FHIT: variants seen among roughly 807,000 people sequenced by gnomAD.
FHIT encodes fragile histidine triad diadenosine triphosphatase, also known as bis(5'-adenosyl)-triphosphatase.
A neutral mutation model predicts 17.9 loss-of-function variants in FHIT; 19 were observed. The observed-to-expected ratio is 1.06, with a 90% confidence interval of 0.74 to 1.56. The LOEUF is 1.56. Ranked by LOEUF, FHIT falls within the 40% of genes most tolerant of loss-of-function variation. FHIT has a pLI of 0.00. For synonymous variants in FHIT, 81 were observed against 69.7 expected, an observed-to-expected ratio of 1.16 and a Z score of -0.81; for missense variants, 248 against 189.2, an observed-to-expected ratio of 1.31 and a Z score of -1.82.
chr3:59,756,529 G>A (rs1434535103), intron 8 of FHIT, among the ~76,000 whole-genome samples: 1 of 152,160 alleles, frequency 6.6e-6, no homozygotes, highest in East Asian at 1.9e-4. Context: ...GGATAAGGAT[G>A]TCTCATACAG....
At chr3:59,757,624 C>A (rs183246112) in intron 8 of FHIT, among the ~76,000 whole-genome samples, 76 of 152,256 alleles carry the variant, frequency 5.0e-4, no homozygotes, top group Non-Finnish European at 8.7e-4. Context: ...GAGTAAAATG[C>A]CAAATTGTCT....
chr3:60,133,436 A>C (rs1699682347), intron 5 of FHIT, among the ~76,000 whole-genome samples: 1 of 152,178 alleles, frequency 6.6e-6, no homozygotes, highest in South Asian at 2.1e-4. Context: ...TGGGGCAAGC[A>C]CAGATGTCCT....
At chr3:60,630,227 G>A (rs2039402966) in intron 4 of FHIT, among the ~76,000 whole-genome samples, 1 of 152,286 alleles carries the variant, frequency 6.6e-6, no homozygotes, top group Admixed American at 6.5e-5. Context: ...ATCATTAACT[G>A]ATGTGACACA....
At chr3:60,706,394 T>C (rs1210788848) in intron 4 of FHIT, among the ~76,000 whole-genome samples, 1 of 152,062 alleles carries the variant, frequency 6.6e-6, no homozygotes, top group Middle Eastern at 3.2e-3. Context: ...ACCCAGAACT[T>C]TAAGTAAAAA....
In FHIT at chr3:60,599,199, C is replaced by T. The variant is rs550356455; in HGVS notation, c.-17-62220G>A. ...AGCTCATATACTCTGTAATAACTTGCATTGTCTATAATTTTATTGTGTTAG... is the reference window on the plus strand; with the variant it reads ...AGCTCATATACTCTGTAATAACTTGTATTGTCTATAATTTTATTGTGTTAG... On this transcript the variant is annotated intron_variant, in intron 4 of 9. Transcript: ENST00000492590. Among the ~76,000 whole-genome samples the T allele has an allele frequency of 5.9e-5, 9 of 152,192 alleles. 1 individual carries two copies. In the South Asian group the frequency reaches 1.7e-3, roughly 28 times the overall value.
At chr3:60,427,850 T>A (rs1030087115) in intron 5 of FHIT, among the ~76,000 whole-genome samples, 1 of 152,136 alleles carries the variant, frequency 6.6e-6, no homozygotes. Context: ...TTGCCCCATC[T>A]ACCTCTTGCT....
chr3:60,191,903 G>C (rs1328778458), intron 5 of FHIT, among the ~76,000 whole-genome samples: 1 of 152,008 alleles, frequency 6.6e-6, no homozygotes. Context: ...GAAAAGTTCA[G>C]ATAATACAAA....
intron 4 of FHIT, among the ~76,000 whole-genome samples, chr3:60,739,262 C>G (rs1452569256): frequency 6.6e-6 from 1 of 152,186 alleles, no homozygotes; most frequent in East Asian, 1.9e-4. Flanking sequence ...TCACACTGGC[C>G]CTCTGCCCTT....
rs570008100 is a variant in FHIT, at chr3:59,969,619, A to G, written c.279+41752T>C. On this transcript the variant is annotated intron_variant, in intron 7 of 9. Transcript: ENST00000492590. ...ACTGTGTTTTGTATAATTTGGGGCCATTACCAGCTACTTTATGCTTCATTT... is the reference window on the plus strand; with the variant it reads ...ACTGTGTTTTGTATAATTTGGGGCCGTTACCAGCTACTTTATGCTTCATTT... Among the ~76,000 whole-genome samples the G allele has an allele frequency of 2.0e-5, 3 of 152,196 alleles. No individual in the cohort carries two copies. In the East Asian group the frequency reaches 5.8e-4, roughly 29 times the overall value.
chr3:60,420,794 G>GCAAACAC (rs1333446451), intron 5 of FHIT, among the ~76,000 whole-genome samples: 19 of 152,092 alleles, frequency 1.2e-4, no homozygotes, highest in Non-Finnish European at 2.4e-4. Flanking sequence ...GCTTCACCTA[G>GCAAACAC]CTCAGTGTTT....
At chr3:61,048,373 A>C (rs1422003331) in intron 2 of FHIT, among the ~76,000 whole-genome samples, 2 of 152,220 alleles carry the variant, frequency 1.3e-5, no homozygotes, top group African/African-American at 2.4e-5. Context: ...AGACACATGA[A>C]AAAATGCTCA....
chr3:60,369,143 T>C (rs1206147786), intron 5 of FHIT, among the ~76,000 whole-genome samples: 1 of 150,018 alleles, frequency 6.7e-6, no homozygotes, highest in Non-Finnish European at 1.5e-5. Flanking sequence ...TTGCTAATTT[T>C]TTTATTTTTT....
chr3:60,466,948 G>C (rs1293835721), intron 5 of FHIT, among the ~76,000 whole-genome samples: 2 of 151,684 alleles, frequency 1.3e-5, no homozygotes, highest in East Asian at 3.9e-4. Flanking sequence ...AGTAGCATTG[G>C]TATTAGTGGT....
chr3:60,503,081 A>G (rs56829862), intron 5 of FHIT, among the ~76,000 whole-genome samples: 9,232 of 152,222 alleles, frequency 0.061, 620 homozygotes, highest in East Asian at 0.32. Context: ...TCAGAAAAAC[A>G]TGTGATCAGT....
chr3:60,559,106 T>C (rs938301422), intron 4 of FHIT, among the ~76,000 whole-genome samples: 27 of 152,218 alleles, frequency 1.8e-4, no homozygotes, highest in African/African-American at 6.3e-4. Context: ...CTGATTGTGA[T>C]ATAATTTTTA....
At chr3:60,275,358 T>C (rs1386494206) in intron 5 of FHIT, among the ~76,000 whole-genome samples, 1 of 152,208 alleles carries the variant, frequency 6.6e-6, no homozygotes, top group African/African-American at 2.4e-5. Flanking sequence ...TCTTGTCCAA[T>C]TCCAATCATT....
intron 5 of FHIT, among the ~76,000 whole-genome samples, chr3:60,263,063 C>T (rs201815868): frequency 1.3e-5 from 2 of 151,976 alleles, no homozygotes; most frequent in East Asian, 3.9e-4. Context: ...CCCAAAATGA[C>T]ATCGTACAAA....
At chr3:60,735,891 C>T (rs2042123893) in intron 4 of FHIT, among the ~76,000 whole-genome samples, 1 of 152,168 alleles carries the variant, frequency 6.6e-6, no homozygotes, top group Non-Finnish European at 1.5e-5. Context: ...AGTGAGAGAA[C>T]TTAAATTCCA....
rs763131516 is a variant in FHIT, at chr3:59,752,281, C to T, written c.389G>A (p.Arg130Lys). 6 of 1,612,956 alleles carry T rather than the reference C, an allele frequency of 3.7e-6. No individual in the cohort carries two copies. Among genetic ancestry groups the T allele is most frequent in the African/African-American group, 1.3e-5 (1 of 74,826 alleles). Residue 130 changes from arginine to lysine, a missense_variant, in exon 9 of 10, where the codon AGA becomes AAA. By Grantham distance (26) the Arg-to-Lys change is conservative (BLOSUM62 2). Coordinates refer to ENST00000492590, the MANE Select transcript of FHIT (RefSeq NM_002012.4). ...HDKEDFPASW[R>K]SEEEMAAEAA... ...TTCTGCTGCCATTTCCTCCTCTGATCTCCAAGAGGCAGGAAAGTCCTCCTT... is the reference window on the plus strand; with the variant it reads ...TTCTGCTGCCATTTCCTCCTCTGATTTCCAAGAGGCAGGAAAGTCCTCCTT...
Sources: gnomAD v4.1 joint callset for allele counts (sites outside exome capture counted in the v4.1 genomes callset) on GRCh38, gnomAD v4.1.1 for gene constraint, MANE v1.5 for transcripts, NCBI Gene and HGNC (gene_info 2026-07-23, HGNC 2026-07-21) for gene names.